Variants in EXTL3 observed in about 807,000 individuals in gnomAD.
EXTL3 encodes the protein exostosin like glycosyltransferase 3.
EXTL3 carries 27 observed loss-of-function variants against 69.3 expected under a neutral mutation model. The observed-to-expected ratio is 0.39, with a 90% CI of 0.29 to 0.54. The LOEUF (loss-of-function observed/expected upper bound fraction) is 0.54, where lower values mean the gene tolerates loss of function less well. Among genes scored for constraint, EXTL3 ranks in the 20% least tolerant of loss-of-function variants. EXTL3 has a pLI of 0.69. For synonymous variants in EXTL3, 511 were observed against 499.4 expected (o/e 1.02, Z -0.31); for missense variants, 1,003 against 1,231.8 (o/e 0.81, Z 2.78).
intron 1 of EXTL3, among the ~76,000 whole-genome samples, chr8:28,681,449 C>T (rs1563203124): frequency 6.6e-6 from 1 of 151,828 alleles, no homozygotes. Flanking sequence ...ACCCTGGAGG[C>T]AGAGGTTGCA....
At chr8:28,739,474 G>A (rs545977445) in intron 5 of EXTL3, among the ~76,000 whole-genome samples, 3 of 152,114 alleles carry the variant, frequency 2.0e-5, no homozygotes, top group South Asian at 2.1e-4. Context: ...CTACAGGCAC[G>A]CATCACCACA....
At chr8:28,652,661 AT>A (rs956837687) in intron 1 of EXTL3, among the ~76,000 whole-genome samples, 39 of 149,072 alleles carry the variant, frequency 2.6e-4, no homozygotes, top group African/African-American at 6.6e-4. Flanking sequence ...CTCAAAAAAA[AT>A]ATATAGATAT....
chr8:28,710,612 T>C (rs1048884389), intron 1 of EXTL3: 7 of 339,276 alleles, frequency 2.1e-5, no homozygotes, highest in Non-Finnish European at 3.9e-5. Context: ...TTTCTTTCTT[T>C]CTTTTTTTTT....
At chr8:28,719,188 C>T (rs1801238007) in intron 3 of EXTL3, among the ~76,000 whole-genome samples, 1 of 152,152 alleles carries the variant, frequency 6.6e-6, no homozygotes, top group South Asian at 2.1e-4. Context: ...TTCTAAGCAG[C>T]AGCATGGTGT....
intron 1 of EXTL3, among the ~76,000 whole-genome samples, chr8:28,681,504 C>A (rs866608815): frequency 1.3e-5 from 2 of 151,654 alleles, no homozygotes; most frequent in African/African-American, 4.8e-5. Context: ...GATGACAGAG[C>A]GAGACTCTGT....
At chr8:28,659,883 T>A (rs1198668859) in intron 1 of EXTL3, among the ~76,000 whole-genome samples, 1 of 152,204 alleles carries the variant, frequency 6.6e-6, no homozygotes, top group Admixed American at 6.5e-5. Flanking sequence ...CCCCTGTGTC[T>A]AATTCTGCCT....
intron 1 of EXTL3, among the ~76,000 whole-genome samples, chr8:28,645,013 T>C (rs1806806308): frequency 6.6e-6 from 1 of 152,194 alleles, no homozygotes; most frequent in African/African-American, 2.4e-5. Flanking sequence ...GTTAACATTA[T>C]CATATTGTTT....
chr8:28,709,938 A>AT (rs971092898), intron 1 of EXTL3, among the ~76,000 whole-genome samples: 2 of 152,178 alleles, frequency 1.3e-5, no homozygotes, highest in African/African-American at 2.4e-5. Flanking sequence ...GAATGGAGTG[A>AT]TTACATTACA....
chr8:28,735,416 T>A (rs1348067503), intron 4 of EXTL3, among the ~76,000 whole-genome samples: 1 of 152,202 alleles, frequency 6.6e-6, no homozygotes, highest in Non-Finnish European at 1.5e-5. Flanking sequence ...GCCCCTGATT[T>A]AGGGACTTCT....
Position 28,751,081 on chromosome 8 carries a change from A to G in EXTL3, c.*215A>G. On this transcript the variant is annotated 3_prime_UTR_variant, in exon 7 of 7. Transcript: ENST00000220562. Reference sequence around the variant, plus strand: ...CTGGGCGGAGTCCCCGGGGTTCCCCACACAGGGCACTGACTGATAGCTTAC... The same window carrying G: ...CTGGGCGGAGTCCCCGGGGTTCCCCGCACAGGGCACTGACTGATAGCTTAC... 2 of 580,824 alleles carry G rather than the reference A, an allele frequency of 3.4e-6. No individual in the cohort carries two copies. Among genetic ancestry groups the G allele is most frequent in the South Asian group, 4.0e-5 (2 of 49,932 alleles). 36.0% of individuals were successfully genotyped at this position (580,824 alleles called of 1,614,324 possible). A position where few individuals can be genotyped will look rare whatever the true frequency, so the allele number is the denominator to read the frequency against.
intron 1 of EXTL3, among the ~76,000 whole-genome samples, chr8:28,706,621 T>G (rs1228916051): frequency 6.6e-6 from 1 of 152,236 alleles, no homozygotes; most frequent in African/African-American, 2.4e-5. Flanking sequence ...TATTATAATT[T>G]TACAATACTT....
At chr8:28,632,309 C>T (rs552609779) in intron 1 of EXTL3, among the ~76,000 whole-genome samples, 34 of 152,056 alleles carry the variant, frequency 2.2e-4, no homozygotes, top group African/African-American at 7.5e-4. Flanking sequence ...GCAGGAGAAT[C>T]GCTTAAACCC....
At chr8:28,708,807 A>G (rs1271721292) in intron 1 of EXTL3, among the ~76,000 whole-genome samples, 1 of 152,182 alleles carries the variant, frequency 6.6e-6, no homozygotes, top group African/African-American at 2.4e-5. Flanking sequence ...CCTAAATGAA[A>G]AAGAGAAAAT....
At chr8:28,693,847 C>T (rs1563206097) in intron 1 of EXTL3, among the ~76,000 whole-genome samples, 1 of 152,204 alleles carries the variant, frequency 6.6e-6, no homozygotes, top group Non-Finnish European at 1.5e-5. Context: ...AATTGTCATG[C>T]ATTGTTCTAA....
chr8:28,737,999 T>C (rs1041366612), intron 5 of EXTL3, among the ~76,000 whole-genome samples: 3 of 152,172 alleles, frequency 2.0e-5, no homozygotes, highest in Admixed American at 1.3e-4. Flanking sequence ...ACCCTAGATA[T>C]GGCCCAGCCA....
At chr8:28,742,827 T>A in intron 5 of EXTL3, 1 of 455,320 alleles carries the variant, frequency 2.2e-6, no homozygotes, top group Non-Finnish European at 4.1e-6. Flanking sequence ...GATTTCAAAA[T>A]CACTGCGGTA....
rs572966176 is a variant in EXTL3, at chr8:28,661,343, T to TTATA, written c.-53+38544_-53+38547dup. The stretch of plus-strand genomic sequence containing the variant: ...GCTTTATGTATATGAGCTTTATGTT[T>TTATA]TATATATATATATACACACACACAT... On this transcript the variant is annotated intron_variant, in intron 1 of 6. Coordinates refer to the EXTL3 transcript ENST00000523149. 3.4e-5 allele frequency among the ~76,000 whole-genome samples: 5 copies of TTATA among 148,700 alleles called. No homozygotes were observed. In the Admixed American group the frequency reaches 3.4e-4, roughly 10 times the overall value.
intron 3 of EXTL3, among the ~76,000 whole-genome samples, chr8:28,723,641 T>C (rs892020743): frequency 1.5e-5 from 1 of 64,560 alleles, no homozygotes; most frequent in Admixed American, 1.4e-4. Flanking sequence ...CTCAGGACTG[T>C]TTTTTTTTTT....
In EXTL3 at chr8:28,610,215, A is replaced by ATGTGTGTGTGTGTGTGTGTGTG. The variant is rs367793242; in HGVS notation, n.314+2459_314+2480dup. On this transcript the variant is annotated intron_variant and non_coding_transcript_variant, in intron 2 of 4. Coordinates refer to the EXTL3 transcript ENST00000522725. ...GAGACTCCATCTCAAAAATATGTAT[A>ATGTGTGTGTGTGTGTGTGTGTG]TGTGTGTGTGTGTGTGTGTGTGTTT... Among the ~76,000 whole-genome samples the ATGTGTGTGTGTGTGTGTGTGTG allele has an allele frequency of 1.7e-3, 259 of 149,422 alleles. 1 individual carries two copies. Among genetic ancestry groups the ATGTGTGTGTGTGTGTGTGTGTG allele is most frequent in the African/African-American group, 6.0e-3 (244 of 40,658 alleles).
Sources: allele counts gnomAD v4.1 joint callset (sites outside exome capture counted in the v4.1 genomes callset), GRCh38; gene constraint gnomAD v4.1.1; transcripts MANE v1.5; gene names NCBI Gene and HGNC (gene_info 2026-07-23, HGNC 2026-07-21).